TTLL5: variants seen among roughly 807,000 people sequenced by gnomAD.
TTLL5 encodes tubulin tyrosine ligase like 5.
TTLL5 carries 132 observed loss-of-function variants against 168.4 expected under a neutral mutation model. The ratio of observed to expected loss-of-function variants is 0.78; its 90% CI spans 0.68 to 0.91. The LOEUF (loss-of-function observed/expected upper bound fraction) is 0.91, where lower values mean the gene tolerates loss of function less well. TTLL5 is among the 40% of genes least tolerant of loss of function. TTLL5 has a pLI of 0.00. For synonymous variants in TTLL5, 546 were observed against 558.6 expected (o/e 0.98, Z 0.32); for missense variants, 1,545 against 1,581.5 (o/e 0.98, Z 0.39).
chr14:75,762,764 C>T (rs1267911064), intron 18 of TTLL5, among the ~76,000 whole-genome samples: 3 of 152,048 alleles, frequency 2.0e-5, no homozygotes, highest in South Asian at 2.1e-4. Flanking sequence ...GAGCTTTTAG[C>T]GTTCATGTTT....
intron 17 of TTLL5, among the ~76,000 whole-genome samples, chr14:75,746,841 G>A (rs6574253): frequency 0.73 from 110,776 of 152,006 alleles, 40,659 homozygotes; most frequent in Admixed American, 0.79. Flanking sequence ...TGAGATTATA[G>A]GCGTGAGACA....
intron 31 of TTLL5, among the ~76,000 whole-genome samples, chr14:75,951,601 A>C (rs1479448946): frequency 6.6e-6 from 1 of 151,944 alleles, no homozygotes. Context: ...CTCTACAAAA[A>C]AATTTAAAAA....
intron 30 of TTLL5, among the ~76,000 whole-genome samples, chr14:75,900,134 C>T (rs1457507699): frequency 6.6e-6 from 1 of 152,108 alleles, no homozygotes; most frequent in Admixed American, 6.6e-5. Context: ...TCTACAGATG[C>T]TTTGGGAGAG....
intron 12 of TTLL5, among the ~76,000 whole-genome samples, chr14:75,732,000 CTT>C (rs762598685): frequency 2.9e-4 from 38 of 129,522 alleles, no homozygotes; most frequent in Admixed American, 4.7e-4. Flanking sequence ...TTCCCCGCCT[CTT>C]TTTTTTTTTT....
At chr14:75,953,014 A>G (rs568253215) in intron 31 of TTLL5, among the ~76,000 whole-genome samples, 1 of 152,388 alleles carries the variant, frequency 6.6e-6, no homozygotes, top group African/African-American at 2.4e-5. Flanking sequence ...GAATTGTACA[A>G]TATGTGAATT....
At chr14:75,671,558 C>A (rs2140095588) in intron 3 of TTLL5, among the ~76,000 whole-genome samples, 1 of 152,110 alleles carries the variant, frequency 6.6e-6, no homozygotes, top group African/African-American at 2.4e-5. Context: ...TCTTTAATTT[C>A]TTTCATCATG....
At chr14:75,928,999 C>T (rs2034182134) in intron 31 of TTLL5, among the ~76,000 whole-genome samples, 1 of 150,664 alleles carries the variant, frequency 6.6e-6, no homozygotes. Flanking sequence ...CCTGCCCACC[C>T]TCCCCACCCC....
chr14:75,728,804 C>T (rs1452284190), intron 12 of TTLL5, among the ~76,000 whole-genome samples: 3 of 151,980 alleles, frequency 2.0e-5, no homozygotes, highest in African/African-American at 4.8e-5. Flanking sequence ...CATTGAATAT[C>T]TGGGTAGAAG....
intron 27 of TTLL5, among the ~76,000 whole-genome samples, chr14:75,817,333 A>G (rs1894490516): frequency 6.6e-6 from 1 of 152,108 alleles, no homozygotes; most frequent in South Asian, 2.1e-4. Flanking sequence ...TAGAAGCAGT[A>G]GGGGACAGAA....
At chr14:75,875,207 A>G (rs2031385046) in intron 29 of TTLL5, among the ~76,000 whole-genome samples, 1 of 146,414 alleles carries the variant, frequency 6.8e-6, no homozygotes, top group Admixed American at 6.8e-5. Context: ...TGCTGGGATT[A>G]CAGGCGTGAG....
chr14:75,774,850 G>C (rs1891622820), intron 21 of TTLL5, among the ~76,000 whole-genome samples: 1 of 151,852 alleles, frequency 6.6e-6, no homozygotes. Flanking sequence ...CACCACGTCA[G>C]GCTAATTTTT....
chr14:75,857,290 A>AT (rs1897178540), intron 28 of TTLL5, among the ~76,000 whole-genome samples: 2 of 151,948 alleles, frequency 1.3e-5, no homozygotes, highest in Non-Finnish European at 2.9e-5. Context: ...ATTATATGAT[A>AT]GATTTTTTTT....
At chr14:75,812,796 A>C (rs1021077371) in intron 27 of TTLL5, among the ~76,000 whole-genome samples, 5 of 152,192 alleles carry the variant, frequency 3.3e-5, no homozygotes, top group Admixed American at 3.3e-4. Context: ...AGTGCTTCTC[A>C]AACTCTGCAA....
intron 28 of TTLL5, among the ~76,000 whole-genome samples, chr14:75,833,743 C>G (rs145479084): frequency 1.3e-5 from 2 of 152,272 alleles, no homozygotes; most frequent in East Asian, 3.9e-4. Context: ...CATACCCATA[C>G]ATTAGAAATG....
Position 75,954,525 on chromosome 14 carries a change from A to G in TTLL5, c.*79A>G, listed in dbSNP as rs966587757. On this transcript the variant is annotated 3_prime_UTR_variant, in exon 32 of 32. Coordinates refer to ENST00000298832, the MANE Select transcript of TTLL5 (RefSeq NM_015072.5). ...GGGTGAAGCATCCACCAGCACTTCAAGGGGTCCATAGTATTTTTTTTTTTG... is the reference window on the plus strand; with the variant it reads ...GGGTGAAGCATCCACCAGCACTTCAGGGGGTCCATAGTATTTTTTTTTTTG... The G allele has an allele frequency of 2.5e-5, 38 of 1,534,310 alleles. No homozygotes were observed. In the African/African-American group the frequency reaches 4.1e-4, roughly 17 times the overall value.
intron 31 of TTLL5, among the ~76,000 whole-genome samples, chr14:75,949,038 C>T (rs2034867716): frequency 6.6e-6 from 1 of 152,050 alleles, no homozygotes. Context: ...CAAACTATTC[C>T]AGAGTATAAG....
rs2140317194 is a variant in TTLL5 at position 75,775,502 on chromosome 14, C to T, written c.2155C>T (p.Leu719Phe). 6.2e-7 allele frequency: 1 copy of T among 1,613,744 alleles called. No individual in the cohort carries two copies. The highest frequency in any genetic ancestry group is 1.3e-5 in the African/African-American group (1 of 74,952). Residue 719 changes from leucine to phenylalanine, a missense_variant, in exon 22 of 32, where the codon CTC becomes TTC. Physicochemically the swap from Leu to Phe is conservative, Grantham distance 22. Coordinates refer to ENST00000298832, the MANE Select transcript of TTLL5 (RefSeq NM_015072.5). ...TTTATAGGAGCTGGTTGTTCGTTTC[C>T]TCAAGCGAGCATCAAATAACCTCCA... is the stretch of plus-strand genomic sequence containing the variant. ...DEQMELVVRF[L>F]KRASNNLQHS...
intron 21 of TTLL5, among the ~76,000 whole-genome samples, chr14:75,773,904 ATACATATAT>A (rs1338715104): frequency 1.1e-4 from 7 of 61,842 alleles, no homozygotes; most frequent in Non-Finnish European, 1.9e-4. Context: ...AAAAAAAAAA[ATACATATAT>A]ATATATATAT....
intron 14 of TTLL5, among the ~76,000 whole-genome samples, 169 bp downstream of exon 14, chr14:75,734,219 C>T (rs756311853): frequency 7.2e-5 from 11 of 152,336 alleles, no homozygotes; most frequent in Middle Eastern, 6.8e-3. Flanking sequence ...CGACACTTGG[C>T]TCCATCCTGT....
Sources: allele counts gnomAD v4.1 joint callset (sites outside exome capture counted in the v4.1 genomes callset), GRCh38; gene constraint gnomAD v4.1.1; transcripts MANE v1.5; gene names NCBI Gene and HGNC (gene_info 2026-07-23, HGNC 2026-07-21).